Variants in TMEM132B observed in about 807,000 individuals in gnomAD.
TMEM132B encodes the protein transmembrane protein 132B.
TMEM132B carries 18 observed loss-of-function variants against 90.8 expected under a neutral mutation model. That is an observed-to-expected ratio of 0.20 (90% confidence interval 0.14 to 0.29). The LOEUF (loss-of-function observed/expected upper bound fraction) is 0.29. Among genes scored for constraint, TMEM132B ranks in the 10% least tolerant of loss-of-function variants. TMEM132B has a pLI of 1.00. For synonymous variants in TMEM132B, 504 were observed against 523.3 expected, an observed-to-expected ratio of 0.96 and a Z score of 0.50; for missense variants, 1,096 against 1,326.8, an observed-to-expected ratio of 0.83 and a Z score of 2.70.
intron 1 of TMEM132B, among the ~76,000 whole-genome samples, chr12:125,226,178 C>T (rs563611692): frequency 6.6e-6 from 1 of 152,304 alleles, no homozygotes; most frequent in Non-Finnish European, 1.5e-5. Context: ...GTAGCTTGCT[C>T]TCAGCTAAGG....
chr12:125,279,541 A>G (rs1323925942), intron 1 of TMEM132B, among the ~76,000 whole-genome samples: 1 of 152,190 alleles, frequency 6.6e-6, no homozygotes, highest in Admixed American at 6.5e-5. Flanking sequence ...CGGGACAGAA[A>G]CAGCATGCAT....
At chr12:125,484,266 C>A (rs11058199) in intron 3 of TMEM132B, among the ~76,000 whole-genome samples, 4 of 150,730 alleles carry the variant, frequency 2.7e-5, no homozygotes, top group Admixed American at 1.3e-4. Context: ...AGTGTACACA[C>A]GATATGTATG....
intron 2 of TMEM132B, among the ~76,000 whole-genome samples, chr12:125,383,670 AG>A: frequency 6.6e-6 from 1 of 152,388 alleles, no homozygotes; most frequent in South Asian, 2.1e-4. Flanking sequence ...TACCTAAAAC[AG>A]AAACTTTTGT....
At chr12:125,201,280 TG>T (rs1873052115) in intron 1 of TMEM132B, among the ~76,000 whole-genome samples, 1 of 152,222 alleles carries the variant, frequency 6.6e-6, no homozygotes, top group South Asian at 2.1e-4. Flanking sequence ...TCAATTTGCC[TG>T]TCATCTCAGG....
chr12:125,443,627 A>G (rs191944272), intron 3 of TMEM132B, among the ~76,000 whole-genome samples: 8 of 152,328 alleles, frequency 5.3e-5, no homozygotes, highest in Admixed American at 1.3e-4. Context: ...TCTTGGTAAC[A>G]GTTTCTTAAG....
At position 125,587,181 on chromosome 12, in the gene TMEM132B, TA is replaced by T. The variant is rs71092302; in HGVS notation, c.1437+3201del. On this transcript the variant is annotated intron_variant, in intron 5 of 8. Transcript: ENST00000682704. ...CTGGGAGACTGCTGTACTTTTAGGT[TA>T]AAAAAAAAAAAAACAAGTAGAGGAT... The T allele has an allele frequency of 3.5e-3, 485 of 138,382 alleles. 3 individuals are homozygous for T. Among genetic ancestry groups the T allele is most frequent in the African/African-American group, 0.01 (368 of 36,720 alleles). The allele number at this position is 138,382 out of a possible 1,614,324, so 8.6% of individuals were successfully genotyped here.
At chr12:125,300,974 G>A (rs1875807780) in intron 1 of TMEM132B, 1 of 152,022 alleles carries the variant, frequency 6.6e-6, no homozygotes, top group African/African-American at 2.4e-5. Flanking sequence ...TAATTCAAAA[G>A]GAGAATGTTA....
At chr12:125,284,583 T>G (rs571212661) in intron 1 of TMEM132B, among the ~76,000 whole-genome samples, 3 of 152,378 alleles carry the variant, frequency 2.0e-5, no homozygotes, top group African/African-American at 7.2e-5. Flanking sequence ...TAGCATTGTC[T>G]CTTTTTAATG....
At chr12:125,422,240 T>C (rs1004651149) in intron 3 of TMEM132B, among the ~76,000 whole-genome samples, 4 of 152,180 alleles carry the variant, frequency 2.6e-5, no homozygotes, top group East Asian at 1.9e-4. Flanking sequence ...ATTTAACAGA[T>C]GTGTAAATTG....
chr12:125,320,682 G>A (rs1399763289), intron 1 of TMEM132B, among the ~76,000 whole-genome samples: 2 of 152,126 alleles, frequency 1.3e-5, no homozygotes, highest in East Asian at 3.8e-4. Flanking sequence ...CGACTTAAAT[G>A]GAAACAAATG....
chr12:125,441,716 C>G (rs1880878457), intron 3 of TMEM132B, among the ~76,000 whole-genome samples: 1 of 152,150 alleles, frequency 6.6e-6, no homozygotes. Context: ...GATTTGAAGG[C>G]AGAGAGCTGG....
chr12:125,223,092 A>C (rs1873596361), intron 1 of TMEM132B, among the ~76,000 whole-genome samples: 1 of 152,242 alleles, frequency 6.6e-6, no homozygotes, highest in African/African-American at 2.4e-5. Context: ...CCACAGCAAA[A>C]CCACTGACCA....
At chr12:125,324,681 T>C (rs1876515359) in intron 1 of TMEM132B, among the ~76,000 whole-genome samples, 1 of 152,162 alleles carries the variant, frequency 6.6e-6, no homozygotes, top group Non-Finnish European at 1.5e-5. Flanking sequence ...TAGGTTGCGT[T>C]CCCCTTATGA....
intron 1 of TMEM132B, among the ~76,000 whole-genome samples, chr12:125,236,222 T>G (rs1211607368): frequency 1.3e-5 from 2 of 152,134 alleles, no homozygotes; most frequent in African/African-American, 4.8e-5. Context: ...CTTGGCTCAC[T>G]GCAACCCCCT....
chr12:125,276,322 G>A (rs978647154), intron 1 of TMEM132B, among the ~76,000 whole-genome samples: 5 of 152,198 alleles, frequency 3.3e-5, no homozygotes, highest in Non-Finnish European at 5.9e-5. Flanking sequence ...ACAGAGGTGC[G>A]TCTCTGAGCA....
At chr12:125,247,853 T>G (rs911815710) in intron 1 of TMEM132B, among the ~76,000 whole-genome samples, 6 of 152,254 alleles carry the variant, frequency 3.9e-5, no homozygotes, top group African/African-American at 7.2e-5. Flanking sequence ...AAGTAGGGAC[T>G]ACTCCTTGCT....
chr12:125,397,411 C>T (rs1260829868), intron 2 of TMEM132B, among the ~76,000 whole-genome samples: 1 of 152,188 alleles, frequency 6.6e-6, no homozygotes, highest in African/African-American at 2.4e-5. Flanking sequence ...AGCCCTGAGA[C>T]TCAATCTTCT....
intron 1 of TMEM132B, among the ~76,000 whole-genome samples, chr12:125,242,646 G>A (rs1416571846): frequency 6.6e-6 from 1 of 152,168 alleles, no homozygotes; most frequent in African/African-American, 2.4e-5. Flanking sequence ...TGCACTTGAG[G>A]TGTTTGTCCC....
At chr12:125,332,637 G>T in intron 1 of TMEM132B, among the ~76,000 whole-genome samples, 1 of 121,454 alleles carries the variant, frequency 8.2e-6, no homozygotes. Context: ...AGAGTGCTTT[G>T]GTAGGTGAAA....
Sources: gnomAD v4.1 joint callset for allele counts (sites outside exome capture counted in the v4.1 genomes callset) on GRCh38, gnomAD v4.1.1 for gene constraint, MANE v1.5 for transcripts, NCBI Gene and HGNC (gene_info 2026-07-23, HGNC 2026-07-21) for gene names.